Variants in CIB2 observed in about 807,000 individuals in gnomAD.
CIB2 encodes calcium and integrin-binding family member 2.
A neutral mutation model predicts 23.1 loss-of-function variants in CIB2; 19 were observed. The ratio of observed to expected loss-of-function variants is 0.82; its 90% CI spans 0.57 to 1.21. CIB2 has a LOEUF of 1.21. Ranked by LOEUF, CIB2 falls within the 50% of genes most tolerant of loss-of-function variation. The pLI is 0.00. For synonymous variants in CIB2, 94 were observed against 91.7 expected, an observed-to-expected ratio of 1.03 and a Z score of -0.14; for missense variants, 220 against 241.5, an observed-to-expected ratio of 0.91 and a Z score of 0.59.
Position 78,105,274 on chromosome 15 carries a change from G to A in CIB2, c.*37C>T. 1 of 1,613,500 alleles carries A rather than the reference G, an allele frequency of 6.2e-7. No homozygotes were observed. The highest frequency in any genetic ancestry group is 8.5e-7 in the Non-Finnish European group (1 of 1,179,686). On this transcript the variant is annotated 3_prime_UTR_variant, in exon 6 of 6. Coordinates refer to ENST00000258930, the MANE Select transcript of CIB2 (RefSeq NM_006383.4). ...CACCCATGTGACTGCAGGGCAGGATGGTGGACTTCTAGGCCCCTACAGCCT... is the reference window on the plus strand; with the variant it reads ...CACCCATGTGACTGCAGGGCAGGATAGTGGACTTCTAGGCCCCTACAGCCT...
At chr15:78,109,512 G>A (rs1250901398) in intron 3 of CIB2, 130 bp from the exon 4 acceptor site, 2 of 961,048 alleles carry the variant, frequency 2.1e-6, no homozygotes, top group East Asian at 4.9e-5. Context: ...TTCCCCATCT[G>A]TAAAAAGGGA....
At chr15:78,113,490 C>G (rs562398236) in intron 2 of CIB2, among the ~76,000 whole-genome samples, 1 of 151,786 alleles carries the variant, frequency 6.6e-6, no homozygotes, top group Non-Finnish European at 1.5e-5. Flanking sequence ...AAATAAGGAA[C>G]AACCACTTGT....
Position 78,105,121 on chromosome 15 carries a change from G to A in CIB2, c.*190C>T, listed in dbSNP as rs952717600. On this transcript the variant is annotated 3_prime_UTR_variant, in exon 6 of 6. Transcript: ENST00000258930. Reference sequence around the variant, plus strand: ...GGGGCTGGACCACAGCGGGGCTGTGGGAAGGGTCCTAACCTTCACAGGCCC... The same window carrying A: ...GGGGCTGGACCACAGCGGGGCTGTGAGAAGGGTCCTAACCTTCACAGGCCC... The A allele has an allele frequency of 1.5e-5, 11 of 745,306 alleles. No homozygotes were observed. Among genetic ancestry groups the A allele is most frequent in the Non-Finnish European group, 2.3e-5 (11 of 470,398 alleles). The allele number at this position is 745,306 out of a possible 1,614,324, so 46.2% of individuals were successfully genotyped here.
chr15:78,119,761 T>TG (rs1270750750), intron 2 of CIB2, among the ~76,000 whole-genome samples: 1 of 151,856 alleles, frequency 6.6e-6, no homozygotes, highest in Non-Finnish European at 1.5e-5. Flanking sequence ...TCAGTAGAGT[T>TG]GGGGTTTCAC....
At position 78,105,930 on chromosome 15, in the gene CIB2, G is replaced by A; in HGVS notation, c.351C>T (p.Phe117=). The change falls in exon 5 of 6, where the codon TTC becomes TTT. Residue 117 remains phenylalanine, a synonymous_variant. Transcript: ENST00000258930. ...KANYAFKIYD[F]NTDNFICKED... ...CCTTGCAGATGAAGTTGTCAGTGTT[G>A]AAGTCTGTAGGGCAGGGGTTGGACA... 1 of 1,614,032 alleles carries A rather than the reference G, an allele frequency of 6.2e-7. No homozygotes were observed. Among genetic ancestry groups the A allele is most frequent in the Non-Finnish European group, 8.5e-7 (1 of 1,179,934 alleles).
At chr15:78,111,593 T>C (rs2074160720) in intron 2 of CIB2, among the ~76,000 whole-genome samples, 1 of 152,164 alleles carries the variant, frequency 6.6e-6, no homozygotes, top group Non-Finnish European at 1.5e-5. Flanking sequence ...TGGGCTCTCA[T>C]AAGGGTTTTC....
At chr15:78,118,271 C>CT (rs1400219881) in intron 2 of CIB2, among the ~76,000 whole-genome samples, 3 of 151,998 alleles carry the variant, frequency 2.0e-5, no homozygotes, top group Non-Finnish European at 4.4e-5. Flanking sequence ...ACAGTAAGAT[C>CT]TTTTTTCTTA....
chr15:78,123,430 A>G (rs1234931213), intron 2 of CIB2, among the ~76,000 whole-genome samples: 1 of 152,162 alleles, frequency 6.6e-6, no homozygotes, highest in Admixed American at 6.5e-5. Context: ...CAAGGTCACA[A>G]TGAGGATTAA....
At chr15:78,119,165 C>T (rs2074283433) in intron 2 of CIB2, among the ~76,000 whole-genome samples, 1 of 151,790 alleles carries the variant, frequency 6.6e-6, no homozygotes, top group Admixed American at 6.6e-5. Context: ...AATTTGACTA[C>T]TCTAGGTACC....
At chr15:78,129,049 T>C (rs1284407390) in intron 1 of CIB2, among the ~76,000 whole-genome samples, 1 of 151,444 alleles carries the variant, frequency 6.6e-6, no homozygotes, top group Non-Finnish European at 1.5e-5. Context: ...TGCAGAGGAG[T>C]GTTCTGGACA....
intron 4 of CIB2, among the ~76,000 whole-genome samples, chr15:78,107,383 C>T (rs1012522523): frequency 5.9e-5 from 9 of 152,132 alleles, no homozygotes; most frequent in African/African-American, 2.2e-4. Flanking sequence ...CTAGGGTATG[C>T]GTCAGGGAGT....
At chr15:78,109,195 C>A in intron 4 of CIB2, 40 bp downstream of exon 4, 9 of 1,293,864 alleles carry the variant, frequency 7.0e-6, no homozygotes, top group South Asian at 2.6e-5. Flanking sequence ...CACATGTTCC[C>A]CCACCGCATA....
rs886043668 is a variant in CIB2, at chr15:78,123,713, G to A, written c.78C>T (p.Asp26=). 6.2e-7 allele frequency: 1 copy of A among 1,614,080 alleles called. No homozygotes were observed. The change falls in exon 2 of 6, where the codon GAC becomes GAT. Residue 26 remains aspartate (D), a synonymous_variant. Coordinates refer to ENST00000258930, the MANE Select transcript of CIB2 (RefSeq NM_006383.4). ...YQDCTFFNKK[D]ILKLHSRFYE... ...CGAGAAGCCACACTTACTTGAGGATGTCCTTCTTATTGAAGAAGGTGCAGT... is the reference window on the plus strand; with the variant it reads ...CGAGAAGCCACACTTACTTGAGGATATCCTTCTTATTGAAGAAGGTGCAGT...
At chr15:78,112,735 C>G (rs2074178849) in intron 2 of CIB2, among the ~76,000 whole-genome samples, 1 of 152,196 alleles carries the variant, frequency 6.6e-6, no homozygotes, top group Non-Finnish European at 1.5e-5. Flanking sequence ...CTGCCACCCC[C>G]AAAGCCAGAT....
intron 2 of CIB2, among the ~76,000 whole-genome samples, chr15:78,113,652 T>C (rs2074194940): frequency 6.6e-6 from 1 of 152,034 alleles, no homozygotes; most frequent in Non-Finnish European, 1.5e-5. Flanking sequence ...TGCCTCAGCC[T>C]CCTGAGTAGC....
rs769256040 is a variant in CIB2 at position 78,111,195 on chromosome 15, C to T, written c.168G>A (p.Met56Ile). 6.2e-7 allele frequency: 1 copy of T among 1,614,184 alleles called. No homozygotes were observed. The highest frequency in any genetic ancestry group is 8.5e-7 in the Non-Finnish European group (1 of 1,180,026). ...GCTCTGGCATCTGGATGATGAGGCT[C>T]ATGGGCACGTGGACGATGGGGCTCT... Reference protein sequence around the residue: ...YRKSPIVHVPMSLIIQMPELR... With the variant: ...YRKSPIVHVPISLIIQMPELR... The change falls in exon 3 of 6, where the codon ATG (methionine) becomes ATA (isoleucine). Residue 56 changes from methionine (M) to isoleucine (I), a missense_variant. Transcript: ENST00000258930.
intron 2 of CIB2, among the ~76,000 whole-genome samples, chr15:78,111,655 C>T (rs1490183144): frequency 6.6e-6 from 1 of 152,232 alleles, no homozygotes; most frequent in Non-Finnish European, 1.5e-5. Flanking sequence ...ATTTAATCCT[C>T]CTCCACATCA....
intron 1 of CIB2, among the ~76,000 whole-genome samples, chr15:78,126,149 C>T (rs539286115): frequency 5.5e-5 from 7 of 126,820 alleles, no homozygotes; most frequent in African/African-American, 1.8e-4. Flanking sequence ...TGCCCCCCCC[C>T]CTTTTTTTTT....
intron 1 of CIB2, among the ~76,000 whole-genome samples, chr15:78,124,804 T>C (rs1251460971): frequency 6.6e-6 from 1 of 152,190 alleles, no homozygotes; most frequent in African/African-American, 2.4e-5. Flanking sequence ...AACTCAGGCC[T>C]GCAAACAGCC....
Sources: allele counts gnomAD v4.1 joint callset (sites outside exome capture counted in the v4.1 genomes callset), GRCh38; gene constraint gnomAD v4.1.1; transcripts MANE v1.5; gene names NCBI Gene and HGNC (gene_info 2026-07-23, HGNC 2026-07-21).